DPP4: variants seen among roughly 807,000 people sequenced by gnomAD.
DPP4 encodes dipeptidyl peptidase 4.
A neutral mutation model predicts 122.4 loss-of-function variants in DPP4; 93 were observed. The observed-to-expected ratio is 0.76, with a 90% CI of 0.64 to 0.90. DPP4 has a LOEUF of 0.90. DPP4 is among the 40% of genes least tolerant of loss of function. DPP4 has a pLI of 0.00. For synonymous variants in DPP4, 321 were observed against 302.9 expected (o/e 1.06, Z -0.62); for missense variants, 914 against 907.3 (o/e 1.01, Z -0.09).
chr2:162,041,118 ATTAGACT>A (rs1559719002), intron 5 of DPP4, among the ~76,000 whole-genome samples: 1 of 152,140 alleles, frequency 6.6e-6, no homozygotes, highest in Non-Finnish European at 1.5e-5. Context: ...AAAGATACAT[ATTAGACT>A]TTAGAGAGCC....
chr2:162,035,476 A>G, intron 8 of DPP4, 152 bp from the exon 9 acceptor site: 1 of 636,934 alleles, frequency 1.6e-6, no homozygotes. Context: ...TCAGAGTAAT[A>G]CAAATGAATA....
chr2:162,053,263 A>G (rs56274911), intron 2 of DPP4, among the ~76,000 whole-genome samples: 5,926 of 152,308 alleles, frequency 0.039, 267 homozygotes, highest in African/African-American at 0.1. Context: ...ATGGAACAAC[A>G]ACCCTGAAGG....
At chr2:161,995,523 G>T in intron 23 of DPP4, 151 bp from the exon 24 acceptor site, 1 of 674,582 alleles carries the variant, frequency 1.5e-6, no homozygotes, top group South Asian at 1.8e-5. Flanking sequence ...CTGTCTCCAT[G>T]CATGGCAGAA....
At chr2:162,066,600 A>G (rs909172979) in intron 2 of DPP4, among the ~76,000 whole-genome samples, 7 of 152,156 alleles carry the variant, frequency 4.6e-5, no homozygotes, top group Non-Finnish European at 2.9e-5. Flanking sequence ...CATTATCTAT[A>G]CTGCTTAGGG....
intron 16 of DPP4, among the ~76,000 whole-genome samples, chr2:162,018,038 T>TAA (rs1007108563): frequency 5.6e-5 from 8 of 142,198 alleles, no homozygotes; most frequent in African/African-American, 2.1e-4. Context: ...AAATAATTGC[T>TAA]AAAAAAAAAA....
At chr2:162,022,700 T>C in intron 12 of DPP4, 55 bp downstream of exon 12, 1 of 1,559,182 alleles carries the variant, frequency 6.4e-7, no homozygotes, top group South Asian at 1.1e-5. Context: ...TAGCTGCATA[T>C]CAAATAGCTG....
At chr2:162,032,626 C>T (rs1393142111) in intron 10 of DPP4, among the ~76,000 whole-genome samples, 2 of 151,938 alleles carry the variant, frequency 1.3e-5, no homozygotes, top group Non-Finnish European at 2.9e-5. Flanking sequence ...TTGCAGTGAG[C>T]CGAGATGGCA....
At chr2:162,030,006 G>T (rs1050980286) in intron 10 of DPP4, among the ~76,000 whole-genome samples, 4 of 152,052 alleles carry the variant, frequency 2.6e-5, no homozygotes, top group Non-Finnish European at 5.9e-5. Flanking sequence ...TACAAATATT[G>T]GTTGGGCATA....
intron 10 of DPP4, among the ~76,000 whole-genome samples, chr2:162,025,773 G>GC (rs1334983244): frequency 3.3e-5 from 5 of 152,078 alleles, no homozygotes; most frequent in Non-Finnish European, 7.3e-5. Context: ...CCCTGCTCTC[G>GC]AGTGTCTGAT....
At chr2:162,004,531 C>T (rs1174393820) in intron 23 of DPP4, among the ~76,000 whole-genome samples, 1 of 151,978 alleles carries the variant, frequency 6.6e-6, no homozygotes, top group African/African-American at 2.4e-5. Context: ...GAGAAACAGA[C>T]ATGAAAACCG....
intron 10 of DPP4, among the ~76,000 whole-genome samples, chr2:162,028,057 TAA>T (rs201617035): frequency 1.5e-5 from 2 of 133,936 alleles, no homozygotes; most frequent in African/African-American, 5.4e-5. Flanking sequence ...AAGAATCATT[TAA>T]AAAAAAAAAA....
At chr2:162,018,295 A>C (rs1432233261) in intron 16 of DPP4, among the ~76,000 whole-genome samples, 1 of 152,204 alleles carries the variant, frequency 6.6e-6, no homozygotes, top group African/African-American at 2.4e-5. Context: ...GACCACCTGC[A>C]TAAGTCACTT....
intron 2 of DPP4, 97 bp downstream of exon 2, chr2:162,073,302 C>A: frequency 2.3e-6 from 3 of 1,277,940 alleles, no homozygotes; most frequent in Non-Finnish European, 3.4e-6. Flanking sequence ...GGCACTGGTC[C>A]AACCCCACGC....
intron 23 of DPP4, among the ~76,000 whole-genome samples, chr2:161,995,703 T>C (rs1032875802): frequency 2.6e-5 from 4 of 152,172 alleles, no homozygotes; most frequent in African/African-American, 9.7e-5. Flanking sequence ...GAGTCTCATA[T>C]TAGTAATGTA....
chr2:162,047,554 G>A, intron 2 of DPP4, 53 bp from the exon 3 acceptor site: 3 of 1,289,308 alleles, frequency 2.3e-6, no homozygotes, highest in Non-Finnish European at 3.2e-6. Flanking sequence ...AATAACCTAA[G>A]TTTTGGATAA....
intron 2 of DPP4, among the ~76,000 whole-genome samples, chr2:162,071,043 GT>G (rs1290447552): frequency 1.2e-4 from 18 of 152,256 alleles, no homozygotes; most frequent in African/African-American, 4.3e-4. Context: ...TACTGTAAGT[GT>G]CCTGGGCCAT....
chr2:162,004,436 G>A (rs944034775), intron 23 of DPP4, among the ~76,000 whole-genome samples: 3 of 152,068 alleles, frequency 2.0e-5, no homozygotes, highest in African/African-American at 7.2e-5. Context: ...AGCAGAAATG[G>A]GGACAATCTA....
At chr2:162,014,539 A>T in intron 18 of DPP4, 74 bp from the exon 19 acceptor site, 1 of 1,063,414 alleles carries the variant, frequency 9.4e-7, no homozygotes, top group Non-Finnish European at 1.4e-6. Context: ...CATGTCCGTC[A>T]GTAGCAAGTC....
At chr2:162,047,595 T>A in intron 2 of DPP4, 94 bp from the exon 3 acceptor site, 1 of 786,686 alleles carries the variant, frequency 1.3e-6, no homozygotes, top group Non-Finnish European at 1.9e-6. Flanking sequence ...CAATATACCC[T>A]GCTCAAAAAA....
Sources: gnomAD v4.1 joint callset for allele counts (sites outside exome capture counted in the v4.1 genomes callset) on GRCh38, gnomAD v4.1.1 for gene constraint, MANE v1.5 for transcripts, NCBI Gene and HGNC (gene_info 2026-07-23, HGNC 2026-07-21) for gene names.